ERGIC3: variants seen among roughly 807,000 people sequenced by gnomAD.
The protein encoded by ERGIC3 is ERGIC and golgi 3.
A neutral mutation model predicts 54.7 loss-of-function variants in ERGIC3; 33 were observed. The ratio of observed to expected loss-of-function variants is 0.60; its 90% CI spans 0.46 to 0.81. The LOEUF (loss-of-function observed/expected upper bound fraction) is 0.81. Among genes scored for constraint, ERGIC3 ranks in the 30% least tolerant of loss-of-function variants. ERGIC3 has a pLI of 0.00. For synonymous variants in ERGIC3, 186 were observed against 189.8 expected, an observed-to-expected ratio of 0.98 and a Z score of 0.16; for missense variants, 399 against 488.4, an observed-to-expected ratio of 0.82 and a Z score of 1.73.
rs971579325 is a variant in ERGIC3, at chr20:35,556,050, C to T, written c.735C>T (p.Tyr245=). The T allele has an allele frequency of 1.1e-5, 18 of 1,614,154 alleles. No homozygotes were observed. The highest frequency in any genetic ancestry group is 1.4e-5 in the Non-Finnish European group (17 of 1,180,004). Residue 245 remains tyrosine (Y), a synonymous_variant, in exon 9 of 13, where the codon TAC becomes TAT. Transcript: ENST00000348547. ...GTTTACAGATCAACATGACCCACTA[C>T]ATCCAGCACCTGTCATTTGGGGAGG... ...FGLDNINMTH[Y]IQHLSFGEDY... is the part of the protein sequence containing the mutation.
chr20:35,549,382 T>A, intron 7 of ERGIC3: 1 of 375,304 alleles, frequency 2.7e-6, no homozygotes. Flanking sequence ...TAGTACCCAC[T>A]CACAGGGCTG....
chr20:35,556,319 C>A, intron 10 of ERGIC3, 48 bp downstream of exon 10: 1 of 1,594,594 alleles, frequency 6.3e-7, no homozygotes, highest in Non-Finnish European at 8.6e-7. Flanking sequence ...GTGCCAAGCA[C>A]TGGAGTTCCT....
chr20:35,555,212 C>CGTTA, intron 8 of ERGIC3, 137 bp downstream of exon 8: 2 of 1,066,688 alleles, frequency 1.9e-6, no homozygotes, highest in Admixed American at 3.6e-5. Flanking sequence ...GGGATCCAGC[C>CGTTA]TGAGGGTTAA....
chr20:35,557,444 G>T lies in ERGIC3; in HGVS notation c.1092G>T (p.Ser364=). Residue 364 remains serine (S), a synonymous_variant, in exon 13 of 13, where the codon TCG becomes TCT. Transcript: ENST00000348547. ...GMFTVAGLID[S]LIYHSARAIQ... The stretch of plus-strand genomic sequence containing the variant: ...TCCCAGTGGCTGGACTCATCGATTC[G>T]CTCATCTACCACTCAGCACGAGCCA... The T allele has an allele frequency of 1.2e-6, 2 of 1,614,042 alleles. No homozygotes were observed. The highest frequency in any genetic ancestry group is 1.7e-6 in the Non-Finnish European group (2 of 1,180,010).
In ERGIC3 at chr20:35,548,665, A is replaced by C. The variant is rs747829579; in HGVS notation, c.618A>C (p.Glu206Asp). ...GCTGCCAGGTGTATGGCTTCTTGGA[A>C]GTCAATAAGGTATCAGGAGGGATCA... ...NEGCQVYGFLEVNKVAGNFHF... is the reference protein window; with the variant it reads ...NEGCQVYGFLDVNKVAGNFHF... The change falls in exon 6 of 13, where the codon GAA becomes GAC. Residue 206 changes from glutamate to aspartate, a missense_variant. Coordinates refer to ENST00000348547, the MANE Select transcript of ERGIC3 (RefSeq NM_015966.3). 1.2e-6 allele frequency: 2 copies of C among 1,614,254 alleles called. No homozygotes were observed. The highest frequency in any genetic ancestry group is 1.7e-6 in the Non-Finnish European group (2 of 1,180,036).
At chr20:35,547,726 T>C (rs1157374447) in intron 5 of ERGIC3, among the ~76,000 whole-genome samples, 2 of 152,216 alleles carry the variant, frequency 1.3e-5, no homozygotes, top group Non-Finnish European at 2.9e-5. Flanking sequence ...TGGTCTCTGC[T>C]CTTCCACCTA....
intron 12 of ERGIC3, 88 bp downstream of exon 12, chr20:35,557,337 G>A: frequency 1.2e-6 from 2 of 1,608,980 alleles, no homozygotes; most frequent in Non-Finnish European, 1.7e-6. Context: ...AGGGGCAGAT[G>A]CTGGCCTGGC....
chr20:35,555,192 G>T, intron 8 of ERGIC3, 117 bp downstream of exon 8: 1 of 1,186,992 alleles, frequency 8.4e-7, no homozygotes, highest in African/African-American at 1.5e-5. Flanking sequence ...AATACACCAC[G>T]TTCTGAATGG....
rs1463085457 is a variant in ERGIC3 at position 35,555,907 on chromosome 20, C to T, written c.718-126C>T. On this transcript the variant is annotated intron_variant, in intron 8 of 12. Transcript: ENST00000348547. Reference sequence around the variant, plus strand: ...GGCAGGGAATGGGGGATTCTTATCTCGGGGAGGTTGTCCCCTTAGGACCAT... The same window carrying T: ...GGCAGGGAATGGGGGATTCTTATCTTGGGGAGGTTGTCCCCTTAGGACCAT... 7.6e-6 allele frequency: 6 copies of T among 788,126 alleles called. No individual in the cohort carries two copies. In the Admixed American group the frequency reaches 9.8e-5, roughly 13 times the overall value. 48.8% of individuals were successfully genotyped at this position (788,126 alleles called of 1,614,324 possible). A position where few individuals can be genotyped will look rare whatever the true frequency, so the allele number is the denominator to read the frequency against.
At chr20:35,548,697 G>A in intron 6 of ERGIC3, 23 bp downstream of exon 6, 1 of 1,614,220 alleles carries the variant, frequency 6.2e-7, no homozygotes, top group South Asian at 1.1e-5. Flanking sequence ...ATCAAGACAA[G>A]ATAGGGCCAG....
intron 1 of ERGIC3, 44 bp from the exon 2 acceptor site, chr20:35,542,279 G>T: frequency 6.2e-7 from 1 of 1,613,748 alleles, no homozygotes; most frequent in Non-Finnish European, 8.5e-7. Context: ...GTGTCTGAGG[G>T]AGCGGATTCG....
Position 35,556,411 on chromosome 20 carries a change from G to A in ERGIC3, c.879+140G>A, listed in dbSNP as rs2064712773. ...AAAAGACTGAGGCACAGAGAGGGTG[G>A]GGGATTTGCCCTCCCAGGCAGAGTG... is the stretch of plus-strand genomic sequence containing the variant. On this transcript the variant is annotated intron_variant, in intron 10 of 12. Coordinates refer to ENST00000348547, the MANE Select transcript of ERGIC3 (RefSeq NM_015966.3). 5 of 918,482 alleles carry A rather than the reference G, an allele frequency of 5.4e-6. No homozygotes were observed. In the South Asian group the frequency reaches 7.0e-5, roughly 13 times the overall value. The allele number at this position is 918,482 out of a possible 1,614,324, so 56.9% of individuals were successfully genotyped here. A position where few individuals can be genotyped will look rare whatever the true frequency, so the allele number is the denominator to read the frequency against.
At chr20:35,556,714 C>A in intron 10 of ERGIC3, 1 of 565,812 alleles carries the variant, frequency 1.8e-6, no homozygotes. Flanking sequence ...AGCCTGGACC[C>A]CCGTGAGAAC....
Position 35,542,504 on chromosome 20 carries a change from C to CT in ERGIC3, c.160-8dup. 1.9e-6 allele frequency: 3 copies of CT among 1,613,948 alleles called. No homozygotes were observed. Among genetic ancestry groups the CT allele is most frequent in the Non-Finnish European group, 2.5e-6 (3 of 1,179,992 alleles). On this transcript the variant is annotated splice_polypyrimidine_tract_variant and intron_variant, in intron 2 of 12. Coordinates refer to ENST00000348547, the MANE Select transcript of ERGIC3 (RefSeq NM_015966.3). ...GGGGCTAAGTCTTACTGAGGTAGCG[C>CT]TGCCCCAGGTGCATCCTGAGCTCTA...
Position 35,557,551 on chromosome 20 carries a change from T to C in ERGIC3, c.*47T>C, listed in dbSNP as rs1196821479. ...TCTCCTCTTTCTCCCTGGCCTGTGG[T>C]TGTCCCCCAGCCTCTGCCACCCTCC... On this transcript the variant is annotated 3_prime_UTR_variant, in exon 13 of 13. Transcript: ENST00000348547. 3.2e-6 allele frequency: 5 copies of C among 1,567,802 alleles called. No individual in the cohort carries two copies. The highest frequency in any genetic ancestry group is 4.4e-6 in the Non-Finnish European group (5 of 1,139,036).
chr20:35,557,443 C>T lies in ERGIC3; in HGVS notation c.1091C>T (p.Ser364Leu), dbSNP rs191661542. The T allele has an allele frequency of 2.1e-5, 34 of 1,614,070 alleles. No homozygotes were observed. The Admixed American group carries it at 3.2e-4, about 15-fold the overall frequency. The stretch of plus-strand genomic sequence containing the variant: ...CTCCCAGTGGCTGGACTCATCGATT[C>T]GCTCATCTACCACTCAGCACGAGCC... ...GMFTVAGLIDSLIYHSARAIQ... is the reference protein window; with the variant it reads ...GMFTVAGLIDLLIYHSARAIQ... Residue 364 changes from serine (S) to leucine (L), a missense_variant, in exon 13 of 13, where the codon TCG becomes TTG. By Grantham distance (145) the Ser-to-Leu change is moderately radical. Coordinates refer to ENST00000348547, the MANE Select transcript of ERGIC3 (RefSeq NM_015966.3).
chr20:35,542,429 G>A, intron 2 of ERGIC3, 36 bp downstream of exon 2: 1 of 1,613,874 alleles, frequency 6.2e-7, no homozygotes, highest in Non-Finnish European at 8.5e-7. Context: ...GCGGGGCTTG[G>A]CATTCTAGGA....
chr20:35,557,019 C>T lies in ERGIC3; in HGVS notation c.926C>T (p.Ala309Val), dbSNP rs2064717427. The change falls in exon 11 of 13, where the codon GCC becomes GTC. Residue 309 changes from alanine to valine, a missense_variant. Physicochemically the swap from Ala to Val is moderately conservative, Grantham distance 64. Transcript: ENST00000348547. ...QFSVTRHEKV[A>V]NGLLGDQGLP... Reference sequence around the variant, plus strand: ...TCTGTGACCAGACATGAGAAGGTTGCCAATGGGCTGTTGGGCGACCAAGGC... The same window carrying T: ...TCTGTGACCAGACATGAGAAGGTTGTCAATGGGCTGTTGGGCGACCAAGGC... 2 of 1,614,228 alleles carry T rather than the reference C, an allele frequency of 1.2e-6. No homozygotes were observed. The highest frequency in any genetic ancestry group is 1.7e-6 in the Non-Finnish European group (2 of 1,180,030).
At position 35,547,398 on chromosome 20, in the gene ERGIC3, T is replaced by C. The variant is rs373013568; in HGVS notation, c.368-14T>C. 209 of 1,612,046 alleles carry C rather than the reference T, an allele frequency of 1.3e-4. No individual in the cohort carries two copies. In the African/African-American group the frequency reaches 2.6e-3, roughly 20 times the overall value. On this transcript the variant is annotated splice_polypyrimidine_tract_variant and intron_variant, in intron 4 of 12. Transcript: ENST00000348547. ...TGGCCCCAGCTGATGCCTCTGCTTC[T>C]CCCCTCCCCTTAGAGCTTGGGAAAG...
Sources: allele counts gnomAD v4.1 joint callset (sites outside exome capture counted in the v4.1 genomes callset), GRCh38; gene constraint gnomAD v4.1.1; transcripts MANE v1.5; gene names NCBI Gene and HGNC (gene_info 2026-07-23, HGNC 2026-07-21).